Variants in ZNF423 observed in about 807,000 individuals in gnomAD.
The protein encoded by ZNF423 is Ebf-associated zinc finger protein.
Under a neutral mutation model 95.8 loss-of-function variants are expected in ZNF423, and 12 were observed. The observed-to-expected ratio is 0.13, with a 90% CI of 0.08 to 0.20. ZNF423 has a LOEUF of 0.20. Among genes scored for constraint, ZNF423 ranks in the 10% least tolerant of loss-of-function variants. The probability of loss-of-function intolerance (pLI) is 1.00; values close to 1 mark genes in which losing one functional copy is unlikely to be tolerated. For synonymous variants in ZNF423, 749 were observed against 711.9 expected, an observed-to-expected ratio of 1.05 and a Z score of -0.83; for missense variants, 1,316 against 1,737.1, an observed-to-expected ratio of 0.76 and a Z score of 4.31.
chr16:49,798,068 G>A (rs945527548), intron 1 of ZNF423, among the ~76,000 whole-genome samples: 2 of 152,178 alleles, frequency 1.3e-5, no homozygotes, highest in African/African-American at 4.8e-5. Context: ...AAAGTAACCA[G>A]ACATGGTGGT....
At chr16:49,777,310 T>C (rs562005041) in intron 2 of ZNF423, among the ~76,000 whole-genome samples, 71 of 152,356 alleles carry the variant, frequency 4.7e-4, no homozygotes, top group African/African-American at 1.6e-3. Flanking sequence ...TGTGCAAATG[T>C]GTACCTACAT....
chr16:49,825,510 G>GGGTCTA (rs2034995912), intron 1 of ZNF423, among the ~76,000 whole-genome samples: 1 of 151,724 alleles, frequency 6.6e-6, no homozygotes, highest in Non-Finnish European at 1.5e-5. Flanking sequence ...CAATGGCACC[G>GGGTCTA]GGTCTAACAG....
At chr16:49,727,665 G>A (rs894275224) in intron 3 of ZNF423, among the ~76,000 whole-genome samples, 1 of 152,188 alleles carries the variant, frequency 6.6e-6, no homozygotes, top group Non-Finnish European at 1.5e-5. Flanking sequence ...GGAGGCACGT[G>A]CTGCCTCCAC....
chr16:49,622,144 C>T (rs1007501631), intron 5 of ZNF423, among the ~76,000 whole-genome samples: 4 of 152,206 alleles, frequency 2.6e-5, no homozygotes, highest in Non-Finnish European at 5.9e-5. Context: ...ATACAGGAAA[C>T]TGCTGCTGCT....
intron 1 of ZNF423, among the ~76,000 whole-genome samples, chr16:49,819,371 T>C (rs2034905844): frequency 6.6e-6 from 1 of 152,140 alleles, no homozygotes; most frequent in African/African-American, 2.4e-5. Context: ...TATTTCCATC[T>C]TCACCAAAAG....
intron 5 of ZNF423, among the ~76,000 whole-genome samples, chr16:49,587,157 G>A (rs1006705656): frequency 2.6e-5 from 4 of 152,288 alleles, no homozygotes; most frequent in African/African-American, 7.2e-5. Flanking sequence ...GGTGTGTAAC[G>A]TCTTGAGGGT....
intron 3 of ZNF423, among the ~76,000 whole-genome samples, chr16:49,663,039 T>C (rs144555850): frequency 1.6e-3 from 242 of 152,214 alleles, no homozygotes; most frequent in African/African-American, 5.5e-3. Context: ...TAATCAGAAC[T>C]GAGCATTATC....
intron 5 of ZNF423, among the ~76,000 whole-genome samples, chr16:49,549,571 C>T (rs1333554731): frequency 1.3e-5 from 2 of 152,172 alleles, no homozygotes; most frequent in African/African-American, 2.4e-5. Context: ...TGGGACCACA[C>T]CTCCTTCCCT....
At chr16:49,520,493 C>T (rs1198934712) in intron 7 of ZNF423, among the ~76,000 whole-genome samples, 1 of 152,222 alleles carries the variant, frequency 6.6e-6, no homozygotes, top group Non-Finnish European at 1.5e-5. Context: ...TCCTAAACTT[C>T]TATTCCTGCA....
At chr16:49,803,885 C>T (rs941483429) in intron 1 of ZNF423, among the ~76,000 whole-genome samples, 11 of 151,106 alleles carry the variant, frequency 7.3e-5, no homozygotes, top group Non-Finnish European at 1.3e-4. Context: ...GCCATAGCCC[C>T]AGAGCAGACT....
intron 3 of ZNF423, among the ~76,000 whole-genome samples, chr16:49,639,610 C>T (rs1972901627): frequency 1.3e-5 from 2 of 152,184 alleles, no homozygotes; most frequent in African/African-American, 4.8e-5. Flanking sequence ...CCACTGCACC[C>T]CTGGATTTGC....
intron 1 of ZNF423, among the ~76,000 whole-genome samples, chr16:49,829,121 G>C (rs2035036443): frequency 6.6e-6 from 1 of 152,238 alleles, no homozygotes; most frequent in South Asian, 2.1e-4. Flanking sequence ...CCTGGGGATG[G>C]TCAAGCCGGC....
chr16:49,756,866 G>T (rs4785340), intron 2 of ZNF423, among the ~76,000 whole-genome samples: 72,810 of 152,022 alleles, frequency 0.48, 17,786 homozygotes, highest in African/African-American at 0.57. Flanking sequence ...GCGCGGGGAG[G>T]GGCAGACATG....
chr16:49,797,243 G>A (rs2034512822), intron 1 of ZNF423, among the ~76,000 whole-genome samples: 1 of 152,138 alleles, frequency 6.6e-6, no homozygotes, highest in Non-Finnish European at 1.5e-5. Flanking sequence ...GCATAGACCA[G>A]GCAGGGAGGC....
rs900031759 is a variant in ZNF423 at position 49,494,258 on chromosome 16, A to G, written c.3850-2954T>C. 5.3e-5 allele frequency among the ~76,000 whole-genome samples: 8 copies of G among 152,378 alleles called. No homozygotes were observed. The East Asian group carries it at 1.5e-3, about 29-fold the overall frequency. ...GCAGGGGGCTCTGAGGTTACACTCA[A>G]GAAAGAACTTCCTCCTAGAGGGTTC... On this transcript the variant is annotated intron_variant, in intron 7 of 7. Coordinates refer to ENST00000563137, the MANE Select transcript of ZNF423 (RefSeq NM_001379286.1).
At chr16:49,623,230 G>A (rs768743776) in intron 5 of ZNF423, among the ~76,000 whole-genome samples, 23 of 152,192 alleles carry the variant, frequency 1.5e-4, no homozygotes, top group Middle Eastern at 3.2e-3. Context: ...AGCTGACAGC[G>A]CTGCAGGGCA....
chr16:49,794,047 CG>C (rs1555486622), intron 1 of ZNF423, among the ~76,000 whole-genome samples: 1 of 149,526 alleles, frequency 6.7e-6, no homozygotes, highest in African/African-American at 2.5e-5. Context: ...CTCTCTCTCT[CG>C]CTCTCTGAGA....
At chr16:49,807,044 T>G (rs1273074596) in intron 1 of ZNF423, among the ~76,000 whole-genome samples, 5 of 144,834 alleles carry the variant, frequency 3.5e-5, no homozygotes, top group Non-Finnish European at 6.0e-5. Context: ...AAAAAAAAAG[T>G]GCACAGCATA....
intron 2 of ZNF423, among the ~76,000 whole-genome samples, chr16:49,771,466 A>G (rs1262594693): frequency 6.6e-6 from 1 of 152,094 alleles, no homozygotes; most frequent in African/African-American, 2.4e-5. Flanking sequence ...CAGCCTCCCA[A>G]AATGCTGGGA....
Sources: allele counts gnomAD v4.1 joint callset (sites outside exome capture counted in the v4.1 genomes callset), GRCh38; gene constraint gnomAD v4.1.1; transcripts MANE v1.5; gene names NCBI Gene and HGNC (gene_info 2026-07-23, HGNC 2026-07-21).